The following SLC51A variants were observed in gnomAD, a reference collection of about 807,000 sequenced individuals.
The protein encoded by SLC51A is organic solute transporter subunit alpha.
A neutral mutation model predicts 34.8 loss-of-function variants in SLC51A; 22 were observed. That is an observed-to-expected ratio of 0.63 (90% CI 0.45 to 0.90). SLC51A has a LOEUF of 0.90. Among genes scored for constraint, SLC51A ranks in the 40% least tolerant of loss-of-function variants. The pLI, the probability that SLC51A is intolerant of heterozygous loss-of-function variation, is 0.00. For missense variants in SLC51A, 371 were observed against 414.8 expected, an observed-to-expected ratio of 0.89 and a Z score of 0.92; for synonymous variants, 181 against 176.3, an observed-to-expected ratio of 1.03 and a Z score of -0.21.
chr3:196,231,803 G>A (rs1724034843), intron 7 of SLC51A, among the ~76,000 whole-genome samples: 2 of 152,174 alleles, frequency 1.3e-5, no homozygotes, highest in African/African-American at 4.8e-5. Flanking sequence ...CAGGGCTTCT[G>A]GACAGTGATC....
At chr3:196,232,824 T>TA in intron 8 of SLC51A, 1 of 586,674 alleles carries the variant, frequency 1.7e-6, no homozygotes, top group South Asian at 2.1e-5. Flanking sequence ...CCCATGTTGA[T>TA]TGAACACACA....
chr3:196,233,314 A>G lies in SLC51A; in HGVS notation c.*115A>G. The G allele has an allele frequency of 1.7e-6, 2 of 1,199,732 alleles. No homozygotes were observed. The highest frequency in any genetic ancestry group is 2.3e-6 in the Non-Finnish European group (2 of 852,406). 74.3% of individuals were successfully genotyped at this position (1,199,732 alleles called of 1,614,324 possible). A position where few individuals can be genotyped will look rare whatever the true frequency, so the allele number is the denominator to read the frequency against. On this transcript the variant is annotated 3_prime_UTR_variant, in exon 9 of 9. Coordinates refer to ENST00000296327, the MANE Select transcript of SLC51A (RefSeq NM_152672.6). ...TTCCCCCTTGTCAACACAAGCTGGCAGATACATTTGACTCTACAGATGAAG... is the reference window on the plus strand; with the variant it reads ...TTCCCCCTTGTCAACACAAGCTGGCGGATACATTTGACTCTACAGATGAAG...
chr3:196,218,996 C>T (rs991247943), intron 2 of SLC51A, among the ~76,000 whole-genome samples: 3 of 152,182 alleles, frequency 2.0e-5, no homozygotes, highest in Admixed American at 2.0e-4. Context: ...GAGGCCGAGG[C>T]AGGTGGATCA....
Position 196,217,942 on chromosome 3 carries a change from T to A in SLC51A, c.133+6T>A. On this transcript the variant is annotated splice_donor_region_variant and intron_variant, in intron 2 of 8. Coordinates refer to ENST00000296327, the MANE Select transcript of SLC51A (RefSeq NM_152672.6). ...AGCAGCCCAACTCCTGAGAGGTGAGTGGGGACCCTCCTCAGAGGGAACTGA... is the reference window on the plus strand; with the variant it reads ...AGCAGCCCAACTCCTGAGAGGTGAGAGGGGACCCTCCTCAGAGGGAACTGA... The A allele has an allele frequency of 1.9e-6, 3 of 1,610,538 alleles. No homozygotes were observed. The highest frequency in any genetic ancestry group is 2.5e-6 in the Non-Finnish European group (3 of 1,178,462).
At chr3:196,221,721 T>G (rs1477292855) in intron 2 of SLC51A, among the ~76,000 whole-genome samples, 1 of 149,126 alleles carries the variant, frequency 6.7e-6, no homozygotes, top group Non-Finnish European at 1.5e-5. Flanking sequence ...GGTTTTTTGT[T>G]TTTTTTTTTT....
intron 2 of SLC51A, among the ~76,000 whole-genome samples, chr3:196,221,345 G>A (rs897622840): frequency 3.3e-5 from 5 of 150,612 alleles, no homozygotes; most frequent in African/African-American, 4.9e-5. Flanking sequence ...CACGGCTCAC[G>A]GCAGCTCGAG....
At position 196,233,214 on chromosome 3, in the gene SLC51A, A is replaced by G. The variant is rs1197060549; in HGVS notation, c.*15A>G. 6.2e-7 allele frequency: 1 copy of G among 1,613,952 alleles called. No homozygotes were observed. The highest frequency in any genetic ancestry group is 1.3e-5 in the African/African-American group (1 of 75,060). On this transcript the variant is annotated 3_prime_UTR_variant, in exon 9 of 9. Coordinates refer to ENST00000296327, the MANE Select transcript of SLC51A (RefSeq NM_152672.6). ...TCAAAGCCTAAGGTGGATGGCTTGG[A>G]CAATGAAAGGATGCTGTACTCATTA...
At chr3:196,227,808 C>T in intron 4 of SLC51A, 71 bp downstream of exon 4, 5 of 1,419,902 alleles carry the variant, frequency 3.5e-6, no homozygotes, top group African/African-American at 1.4e-5. Flanking sequence ...AGTCCGTGTC[C>T]TTGATCCCAG....
In SLC51A at chr3:196,232,416, C is replaced by A; in HGVS notation, c.781-3C>A. 6.2e-7 allele frequency: 1 copy of A among 1,612,494 alleles called. No individual in the cohort carries two copies. Among genetic ancestry groups the A allele is most frequent in the South Asian group, 1.1e-5 (1 of 91,048 alleles). ...ACCCTTGCCTCTCTTTTATGTTCCG[C>A]AGGTTCTCCTCATCCTGACTGCCCT... On this transcript the variant is annotated splice_polypyrimidine_tract_variant and splice_region_variant and intron_variant, in intron 7 of 8. Transcript: ENST00000296327.
chr3:196,227,197 C>A, intron 3 of SLC51A, 78 bp downstream of exon 3: 1 of 959,816 alleles, frequency 1.0e-6, no homozygotes, highest in Non-Finnish European at 1.5e-6. Flanking sequence ...CTAAACTCAG[C>A]ACGTCACTTC....
At chr3:196,217,247 C>T (rs897139530) in intron 1 of SLC51A, among the ~76,000 whole-genome samples, 4 of 152,302 alleles carry the variant, frequency 2.6e-5, no homozygotes, top group African/African-American at 4.8e-5. Context: ...GCCCTGAGGC[C>T]GGGCGCCTGT....
intron 7 of SLC51A, among the ~76,000 whole-genome samples, chr3:196,230,904 G>C (rs778557578): frequency 3.3e-5 from 5 of 152,278 alleles, no homozygotes; most frequent in Middle Eastern, 3.4e-3. Context: ...CACGAGTACC[G>C]GGGGGCAGGA....
chr3:196,228,408 AC>A lies in SLC51A; in HGVS notation c.521+138del. 8.4e-7 allele frequency: 1 copy of A among 1,185,780 alleles called. No homozygotes were observed. The highest frequency in any genetic ancestry group is 1.1e-6 in the Non-Finnish European group (1 of 869,898). 73.5% of individuals were successfully genotyped at this position (1,185,780 alleles called of 1,614,324 possible). A position where few individuals can be genotyped will look rare whatever the true frequency, so the allele number is the denominator to read the frequency against. Reference sequence around the variant, plus strand: ...GAAGGGTGGGCATCCCACGGCCAGGACCCACGGGCGCCACCCTCAGGGGACA... The same window carrying A: ...GAAGGGTGGGCATCCCACGGCCAGGACCACGGGCGCCACCCTCAGGGGACA... On this transcript the variant is annotated intron_variant, in intron 5 of 8. Coordinates refer to ENST00000296327, the MANE Select transcript of SLC51A (RefSeq NM_152672.6). The surrounding 1 kb of genome is among the most constrained non-coding windows in gnomAD (Gnocchi z 4.9).
chr3:196,224,139 A>C lies in SLC51A; in HGVS notation c.134-2826A>C, dbSNP rs570231015. The C allele has an allele frequency of 1.0e-5, 2 of 199,510 alleles. 1 individual carries two copies. The highest frequency in any genetic ancestry group is 1.3e-4 in the South Asian group (2 of 14,872). The allele number at this position is 199,510 out of a possible 1,614,324, so 12.4% of individuals were successfully genotyped here. A position where few individuals can be genotyped will look rare whatever the true frequency, so the allele number is the denominator to read the frequency against. On this transcript the variant is annotated intron_variant, in intron 2 of 8. Transcript: ENST00000296327. ...CTCCCAAAGTGCTGGGATTACAGGC[A>C]TGAGCCACTGTGCCTAGCCCTTTCT...
At chr3:196,227,165 A>G (rs767820063) in intron 3 of SLC51A, 46 bp downstream of exon 3, 10 of 1,594,930 alleles carry the variant, frequency 6.3e-6, no homozygotes, top group Middle Eastern at 1.7e-4. Context: ...AAAAGAAGGC[A>G]GAGACCAAGG....
At position 196,233,053 on chromosome 3, in the gene SLC51A, T is replaced by C. The variant is rs1476331; in HGVS notation, c.887-10T>C. On this transcript the variant is annotated splice_polypyrimidine_tract_variant and intron_variant, in intron 8 of 8. Coordinates refer to ENST00000296327, the MANE Select transcript of SLC51A (RefSeq NM_152672.6). ...GCATAACCTACGCTGTATTTCACCC[T>C]ACACTGCAGTGATGAATTGCCACCT... The C allele has an allele frequency of 0.47, 759,403 of 1,612,490 alleles. 184,329 individuals carry two copies. Among genetic ancestry groups the C allele is most frequent in the East Asian group, 0.88 (39,633 of 44,858 alleles).
intron 1 of SLC51A, among the ~76,000 whole-genome samples, chr3:196,217,038 G>C (rs1488043755): frequency 7.9e-5 from 12 of 152,210 alleles, no homozygotes; most frequent in Non-Finnish European, 1.5e-4. Context: ...GCAGCAGGGG[G>C]CCCGTCCGTC....
At chr3:196,232,986 C>T in intron 8 of SLC51A, 77 bp from the exon 9 acceptor site, 1 of 1,447,712 alleles carries the variant, frequency 6.9e-7, no homozygotes, top group South Asian at 1.2e-5. Context: ...TTGCTCAACT[C>T]CCGTGCCCGG....
rs1386741904 is a variant in SLC51A, at chr3:196,228,045, G to A, written c.363-70G>A. 1.3e-6 allele frequency: 2 copies of A among 1,563,914 alleles called. No individual in the cohort carries two copies. The highest frequency in any genetic ancestry group is 1.7e-6 in the Non-Finnish European group (2 of 1,151,476). On this transcript the variant is annotated intron_variant, in intron 4 of 8. Coordinates refer to ENST00000296327, the MANE Select transcript of SLC51A (RefSeq NM_152672.6). This position sits in a 1 kb window ranked among gnomAD's most constrained non-coding sequence, Gnocchi z 4.9. ...CAGCCCTAGCTCTGCTCCTCAGTAA[G>A]CCCCACCTCTCCCTGCTGTCTTTCT...
Sources: allele counts gnomAD v4.1 joint callset (sites outside exome capture counted in the v4.1 genomes callset), GRCh38; gene constraint gnomAD v4.1.1; non-coding constraint Gnocchi (gnomAD v3.1); transcripts MANE v1.5; gene names NCBI Gene and HGNC (gene_info 2026-07-23, HGNC 2026-07-21).